Variants in RARB observed in about 807,000 individuals in gnomAD.
The protein encoded by RARB is HBV-activated protein.
In RARB, 17 loss-of-function variants were observed where a neutral mutation model predicts 51.9. The ratio of observed to expected loss-of-function variants is 0.33; its 90% CI spans 0.22 to 0.49. The LOEUF is 0.49. Among genes scored for constraint, RARB ranks in the 20% least tolerant of loss-of-function variants. The pLI, the probability that RARB is intolerant of heterozygous loss-of-function variation, is 0.99. For missense variants in RARB, 369 were observed against 550.8 expected, an observed-to-expected ratio of 0.67 and a Z score of 3.30; for synonymous variants, 215 against 195.4, an observed-to-expected ratio of 1.10 and a Z score of -0.84.
intron 5 of RARB, among the ~76,000 whole-genome samples, chr3:25,262,446 C>T (rs1432637003): frequency 6.6e-6 from 1 of 152,180 alleles, no homozygotes; most frequent in East Asian, 1.9e-4. Context: ...TGTCTGAAAT[C>T]TAATATGGAT....
chr3:24,938,041 TGC>T (rs67176948), intron 2 of RARB, among the ~76,000 whole-genome samples: 77,026 of 151,558 alleles, frequency 0.51, 20,464 homozygotes, highest in East Asian at 0.7. Context: ...TATGCACACA[TGC>T]GCACACACAC....
At chr3:25,472,174 T>C (rs1323098565) in intron 2 of RARB, among the ~76,000 whole-genome samples, 1 of 152,234 alleles carries the variant, frequency 6.6e-6, no homozygotes, top group Non-Finnish European at 1.5e-5. Context: ...TACAGGACTT[T>C]TTTCTCACAT....
intron 2 of RARB, among the ~76,000 whole-genome samples, chr3:25,037,238 G>A (rs1410025173): frequency 6.7e-6 from 1 of 150,332 alleles, no homozygotes; most frequent in Non-Finnish European, 1.5e-5. Flanking sequence ...ATTAAAGCAC[G>A]TTTTAAAGGA....
chr3:25,149,715 GTC>G (rs1237367110), intron 4 of RARB, among the ~76,000 whole-genome samples: 10 of 152,136 alleles, frequency 6.6e-5, no homozygotes, highest in African/African-American at 1.9e-4. Context: ...AACGTACCCT[GTC>G]TCTCTCTGTC....
intron 2 of RARB, among the ~76,000 whole-genome samples, chr3:24,977,822 G>A (rs1248316731): frequency 6.6e-6 from 1 of 152,154 alleles, no homozygotes; most frequent in East Asian, 1.9e-4. Context: ...GGGCATCCTT[G>A]TCTTGTGCCA....
intron 5 of RARB, among the ~76,000 whole-genome samples, chr3:25,400,139 A>G (rs1302530918): frequency 6.6e-6 from 1 of 152,174 alleles, no homozygotes; most frequent in East Asian, 1.9e-4. Flanking sequence ...GATTGTGCAT[A>G]GCCAAGAACA....
chr3:25,531,774 A>G (rs188330161), intron 3 of RARB, among the ~76,000 whole-genome samples: 86 of 152,066 alleles, frequency 5.7e-4, no homozygotes, highest in Non-Finnish European at 8.7e-4. Context: ...GCAAATTATA[A>G]AAATTTTGTG....
chr3:25,317,490 C>A (rs563402200), intron 5 of RARB, among the ~76,000 whole-genome samples: 1 of 152,196 alleles, frequency 6.6e-6, no homozygotes, highest in South Asian at 2.1e-4. Context: ...TAAAGCTAGT[C>A]TCATTTCATG....
At chr3:24,905,107 C>A (rs989754309) in intron 2 of RARB, among the ~76,000 whole-genome samples, 2 of 152,154 alleles carry the variant, frequency 1.3e-5, no homozygotes, top group African/African-American at 4.8e-5. Flanking sequence ...GCACGTTCTG[C>A]ACATGTATCC....
chr3:25,477,767 C>G (rs1440040334), intron 2 of RARB, among the ~76,000 whole-genome samples: 1 of 152,158 alleles, frequency 6.6e-6, no homozygotes, highest in Admixed American at 6.6e-5. Context: ...GTATAACAAA[C>G]CATCGCAAAT....
chr3:25,238,289 A>G (rs1575245187), intron 5 of RARB, among the ~76,000 whole-genome samples: 1 of 152,168 alleles, frequency 6.6e-6, no homozygotes. Flanking sequence ...TTCACTTAAC[A>G]TAAGGACCTC....
chr3:25,184,125 C>T (rs1048859434), intron 5 of RARB, among the ~76,000 whole-genome samples: 2 of 145,184 alleles, frequency 1.4e-5, no homozygotes, highest in African/African-American at 5.2e-5. Flanking sequence ...TCTACAAATA[C>T]AGAGTTTGTT....
intron 5 of RARB, among the ~76,000 whole-genome samples, chr3:25,332,919 A>G (rs1440154732): frequency 6.6e-6 from 1 of 152,208 alleles, no homozygotes; most frequent in African/African-American, 2.4e-5. Context: ...GTGAACCTTC[A>G]TTCACAATTG....
rs1284914955 is a variant in RARB, at chr3:25,394,034, G to T, written c.179-67159G>T. Among the ~76,000 whole-genome samples, 3 of 152,020 alleles carry T rather than the reference G, an allele frequency of 2.0e-5. No individual in the cohort carries two copies. In the East Asian group the frequency reaches 5.8e-4, roughly 29 times the overall value. ...TCTATTTGTGTTCTTTTTGATGAAG[G>T]TGTTTAATGCTGTGACCTTTTCTCT... is the stretch of plus-strand genomic sequence containing the variant. On this transcript the variant is annotated intron_variant, in intron 5 of 11. Coordinates refer to the RARB transcript ENST00000383772.
intron 5 of RARB, among the ~76,000 whole-genome samples, chr3:25,293,597 T>TAAAAAAAAAAAAAAAA (rs10713675): frequency 0.12 from 8,447 of 67,824 alleles, 1,979 homozygotes; most frequent in Middle Eastern, 0.19. Context: ...TTACTCCATT[T>TAAAAAAAAAAAAAAAA]AAAAAAAAAA....
intron 5 of RARB, among the ~76,000 whole-genome samples, chr3:25,258,523 G>C (rs1559335101): frequency 6.6e-6 from 1 of 152,108 alleles, no homozygotes; most frequent in African/African-American, 2.4e-5. Context: ...CTGACTGTTT[G>C]TGGTCCTCAG....
Position 25,189,703 on chromosome 3 carries a change from G to A in RARB, c.178+15128G>A, listed in dbSNP as rs138773334. Among the ~76,000 whole-genome samples the A allele has an allele frequency of 3.2e-3, 490 of 152,108 alleles. 3 individuals carry two copies. Among genetic ancestry groups the A allele is most frequent in the African/African-American group, 0.011 (459 of 41,522 alleles). ...GGAGTTCAAGACCAGCCTGGCCAAC[G>A]TGGCAAAACCCTGTCTCTATAAAAA... is the stretch of plus-strand genomic sequence containing the variant. On this transcript the variant is annotated intron_variant, in intron 5 of 11. Coordinates refer to the RARB transcript ENST00000383772.
At chr3:24,996,526 C>CTT (rs1333239712) in intron 2 of RARB, among the ~76,000 whole-genome samples, 1 of 151,598 alleles carries the variant, frequency 6.6e-6, no homozygotes, top group African/African-American at 2.4e-5. Flanking sequence ...TTTCTACTTC[C>CTT]TTGAGGTGCA....
At chr3:25,038,864 C>G (rs967738260) in intron 2 of RARB, among the ~76,000 whole-genome samples, 2 of 152,140 alleles carry the variant, frequency 1.3e-5, no homozygotes, top group African/African-American at 4.8e-5. Flanking sequence ...GAGGCATAAA[C>G]CTCTGTTGTT....
Sources: gnomAD v4.1 joint callset for allele counts (sites outside exome capture counted in the v4.1 genomes callset) on GRCh38, gnomAD v4.1.1 for gene constraint, MANE v1.5 for transcripts, NCBI Gene and HGNC (gene_info 2026-07-23, HGNC 2026-07-21) for gene names.